The following NCOA1 variants were observed in gnomAD, a reference collection of about 807,000 sequenced individuals.
NCOA1 encodes the protein nuclear receptor coactivator 1, also known as Hin-2 protein.
NCOA1 carries 35 observed loss-of-function variants against 150.9 expected under a neutral mutation model. The observed-to-expected ratio is 0.23, with a 90% CI of 0.18 to 0.31. The LOEUF (loss-of-function observed/expected upper bound fraction) is 0.31. Ranked by LOEUF, NCOA1 falls within the 10% of genes least tolerant of loss-of-function variation. The pLI, the probability that NCOA1 is intolerant of heterozygous loss-of-function variation, is 1.00. For synonymous variants in NCOA1, 590 were observed against 630.0 expected (o/e 0.94, Z 0.95); for missense variants, 1,491 against 1,749.3 (o/e 0.85, Z 2.63).
chr2:24,647,727 C>T (rs904634773), intron 4 of NCOA1, among the ~76,000 whole-genome samples: 2 of 151,990 alleles, frequency 1.3e-5, no homozygotes, highest in Non-Finnish European at 2.9e-5. Flanking sequence ...AACTTGTAAA[C>T]TTTTTATTAT....
intron 15 of NCOA1, 66 bp downstream of exon 15, chr2:24,726,772 T>C: frequency 2.1e-6 from 2 of 944,370 alleles, no homozygotes; most frequent in Non-Finnish European, 1.6e-6. Flanking sequence ...AACTATTTTT[T>C]CCAAACTACA....
intron 10 of NCOA1, among the ~76,000 whole-genome samples, chr2:24,693,719 C>T (rs1263951237): frequency 1.4e-5 from 2 of 145,962 alleles, no homozygotes; most frequent in Non-Finnish European, 3.0e-5. Flanking sequence ...TATGCTTAAA[C>T]GTATCTGGCT....
chr2:24,731,570 C>T (rs1663012640), intron 17 of NCOA1, among the ~76,000 whole-genome samples: 1 of 151,090 alleles, frequency 6.6e-6, no homozygotes, highest in African/African-American at 2.4e-5. Context: ...AAAAGGAGAA[C>T]TAAGAAAGGG....
In NCOA1 at chr2:24,683,154, G is replaced by T. The variant is rs989529438; in HGVS notation, c.532+26G>T. The T allele has an allele frequency of 2.7e-6, 4 of 1,475,242 alleles. No homozygotes were observed. In the African/African-American group the frequency reaches 5.7e-5, roughly 21 times the overall value. 91.4% of individuals were successfully genotyped at this position (1,475,242 alleles called of 1,614,324 possible). A position where few individuals can be genotyped will look rare whatever the true frequency, so the allele number is the denominator to read the frequency against. ...GTAAACAGAAATGTGTTTTTAAAAA[G>T]AATACTAGCTCTCTGTATCTTCTCC... On this transcript the variant is annotated intron_variant, in intron 8 of 22. Coordinates refer to ENST00000348332, the MANE Select transcript of NCOA1 (RefSeq NM_003743.5).
chr2:24,565,135 C>A, intron 2 of NCOA1, among the ~76,000 whole-genome samples: 1 of 152,118 alleles, frequency 6.6e-6, no homozygotes, highest in East Asian at 1.9e-4. Context: ...GGTGACACTT[C>A]CAAAACATGG....
At chr2:24,515,351 G>A (rs1664119568) in intron 1 of NCOA1, among the ~76,000 whole-genome samples, 1 of 152,076 alleles carries the variant, frequency 6.6e-6, no homozygotes, top group Admixed American at 6.6e-5. Flanking sequence ...TCCCATCTCA[G>A]CCTCCCAAGT....
At chr2:24,749,669 C>T (rs2148675511) in intron 19 of NCOA1, among the ~76,000 whole-genome samples, 1 of 152,222 alleles carries the variant, frequency 6.6e-6, no homozygotes, top group Non-Finnish European at 1.5e-5. Flanking sequence ...TAACCTGTTT[C>T]CATGTAGCCT....
At chr2:24,557,818 A>T (rs2148243679) in intron 1 of NCOA1, among the ~76,000 whole-genome samples, 1 of 152,124 alleles carries the variant, frequency 6.6e-6, no homozygotes, top group African/African-American at 2.4e-5. Context: ...CCTGATAAGA[A>T]GTCTTCTGTA....
chr2:24,734,640 A>T (rs1572659214), intron 17 of NCOA1, among the ~76,000 whole-genome samples: 1 of 152,170 alleles, frequency 6.6e-6, no homozygotes, highest in East Asian at 1.9e-4. Flanking sequence ...ACCAAAAATA[A>T]AAAAAACCAA....
chr2:24,650,722 C>G (rs1670674969), intron 4 of NCOA1, among the ~76,000 whole-genome samples: 1 of 152,084 alleles, frequency 6.6e-6, no homozygotes, highest in Non-Finnish European at 1.5e-5. Context: ...TGCTCAACAT[C>G]ATAAAATGAT....
At chr2:24,562,056 A>T (rs1045131719) in intron 1 of NCOA1, among the ~76,000 whole-genome samples, 2 of 152,206 alleles carry the variant, frequency 1.3e-5, no homozygotes, top group South Asian at 2.1e-4. Context: ...GAAAAATGAA[A>T]ATCAGAGCAT....
intron 20 of NCOA1, among the ~76,000 whole-genome samples, chr2:24,755,869 C>T (rs553540041): frequency 6.6e-6 from 1 of 152,196 alleles, no homozygotes; most frequent in South Asian, 2.1e-4. Flanking sequence ...TAGCCTTGCT[C>T]CTCCGCAGTG....
intron 20 of NCOA1, among the ~76,000 whole-genome samples, chr2:24,757,462 A>G (rs1664558656): frequency 6.6e-6 from 1 of 152,194 alleles, no homozygotes; most frequent in Admixed American, 6.5e-5. Flanking sequence ...GAGATGAGAA[A>G]TAAGTGGAAC....
At chr2:24,629,667 G>A (rs1216034697) in intron 3 of NCOA1, among the ~76,000 whole-genome samples, 1 of 150,326 alleles carries the variant, frequency 6.7e-6, no homozygotes, top group Admixed American at 6.6e-5. Flanking sequence ...AAAACTAAGG[G>A]AAAACATGAT....
chr2:24,691,735 A>T, intron 9 of NCOA1, 75 bp downstream of exon 9: 1 of 1,486,998 alleles, frequency 6.7e-7, no homozygotes, highest in South Asian at 1.3e-5. Context: ...TTAATTATAA[A>T]CTGCCTTTTT....
At chr2:24,746,888 T>C (rs901506145) in intron 19 of NCOA1, among the ~76,000 whole-genome samples, 2 of 152,184 alleles carry the variant, frequency 1.3e-5, no homozygotes, top group Non-Finnish European at 2.9e-5. Context: ...AGGACAGTTA[T>C]ACATGTGAGT....
chr2:24,636,569 T>C (rs1669946012), intron 3 of NCOA1, among the ~76,000 whole-genome samples: 1 of 152,116 alleles, frequency 6.6e-6, no homozygotes, highest in South Asian at 2.1e-4. Flanking sequence ...ATAAAGACAA[T>C]TTTAGTTCTT....
At chr2:24,751,898 T>C (rs776717586) in intron 19 of NCOA1, 84 bp from the exon 20 acceptor site, 91 of 1,242,736 alleles carry the variant, frequency 7.3e-5, no homozygotes, top group Non-Finnish European at 9.9e-5. Flanking sequence ...AAATATATTG[T>C]GACAGATCCT....
At position 24,491,499 on chromosome 2, in the gene NCOA1, C is replaced by CGCGGCG. The variant is rs1386665836; in HGVS notation, c.-498_-493dup. ...GCTCCGGAGGAGGGGGCCGGAGAGC[C>CGCGGCG]GCGGCGCCGGGCCCGAGGAGCGGCG... On this transcript the variant is annotated 5_prime_UTR_variant, in exon 1 of 23. Coordinates refer to ENST00000348332, the MANE Select transcript of NCOA1 (RefSeq NM_003743.5). Among the ~76,000 whole-genome samples, 8 of 145,722 alleles carry CGCGGCG rather than the reference C, an allele frequency of 5.5e-5. No individual in the cohort carries two copies. Among genetic ancestry groups the CGCGGCG allele is most frequent in the South Asian group, 2.1e-4 (1 of 4,784 alleles).
Sources: allele counts gnomAD v4.1 joint callset (sites outside exome capture counted in the v4.1 genomes callset), GRCh38; gene constraint gnomAD v4.1.1; transcripts MANE v1.5; gene names NCBI Gene and HGNC (gene_info 2026-07-23, HGNC 2026-07-21).